The following GLYATL2 variants were observed in gnomAD, a reference collection of about 807,000 sequenced individuals.
GLYATL2 encodes glycine-N-acyltransferase like 2, also known as glycine N-acyltransferase-like protein 2.
Under a neutral mutation model 21.4 loss-of-function variants are expected in GLYATL2, and 25 were observed. The ratio of observed to expected loss-of-function variants is 1.17; its 90% confidence interval spans 0.85 to 1.63. GLYATL2 has a LOEUF of 1.63. GLYATL2 is among the 40% of genes most tolerant of loss of function. The pLI is 0.00. For synonymous variants in GLYATL2, 114 were observed against 118.2 expected (o/e 0.96, Z 0.23); for missense variants, 361 against 343.3 (o/e 1.05, Z -0.41).
At chr11:58,865,501 T>C (rs566665100) in intron 1 of GLYATL2, among the ~76,000 whole-genome samples, 1 of 149,262 alleles carries the variant, frequency 6.7e-6, no homozygotes, top group African/African-American at 2.4e-5. Context: ...CAAAATGCAG[T>C]ATTTATCACA....
At chr11:58,845,145 A>G (rs1191534455), upstream of GLYATL2, among the ~76,000 whole-genome samples, 2 of 152,222 alleles carry the variant, frequency 1.3e-5, no homozygotes, top group Non-Finnish European at 2.9e-5. Flanking sequence ...TTCAAGATCA[A>G]TTAGGCTTGT....
intron 1 of GLYATL2, among the ~76,000 whole-genome samples, chr11:58,841,891 A>G (rs557719794): frequency 6.6e-6 from 1 of 152,318 alleles, no homozygotes; most frequent in South Asian, 2.1e-4. Flanking sequence ...TGACTTGGTA[A>G]GAGATGTGGA....
chr11:58,877,529 G>A (rs1309105172), intron 1 of GLYATL2, among the ~76,000 whole-genome samples: 3 of 152,192 alleles, frequency 2.0e-5, no homozygotes, highest in Non-Finnish European at 4.4e-5. Flanking sequence ...GCAAAATTAA[G>A]AAATTGGGGA....
At chr11:58,902,862 G>A (rs1174494272) in intron 1 of GLYATL2, among the ~76,000 whole-genome samples, 1 of 152,214 alleles carries the variant, frequency 6.6e-6, no homozygotes, top group African/African-American at 2.4e-5. Context: ...TTAGCTGAAA[G>A]TGAGGCTTCC....
intron 1 of GLYATL2, among the ~76,000 whole-genome samples, chr11:58,881,317 C>A (rs879650478): frequency 6.6e-6 from 1 of 152,168 alleles, no homozygotes; most frequent in Non-Finnish European, 1.5e-5. Flanking sequence ...AAATTTGGAA[C>A]CAGCCTAAGC....
intron 1 of GLYATL2, chr11:58,885,056 T>A (rs1466215562): frequency 1.3e-5 from 2 of 154,026 alleles, no homozygotes; most frequent in Non-Finnish European, 2.9e-5. Flanking sequence ...CAGATGGCTT[T>A]GTGCATGTTT....
At chr11:58,900,092 G>A (rs1854710717) in intron 1 of GLYATL2, among the ~76,000 whole-genome samples, 2 of 152,180 alleles carry the variant, frequency 1.3e-5, no homozygotes, top group South Asian at 4.1e-4. Context: ...CTGCTTTACA[G>A]CAGAGTCCCT....
At chr11:58,855,471 A>G (rs1853812612) in intron 1 of GLYATL2, among the ~76,000 whole-genome samples, 1 of 152,208 alleles carries the variant, frequency 6.6e-6, no homozygotes, top group Non-Finnish European at 1.5e-5. Flanking sequence ...ATGGTGCTGC[A>G]ATCTAGGTTT....
intron 1 of GLYATL2, among the ~76,000 whole-genome samples, chr11:58,871,842 G>C (rs1209224146): frequency 2.6e-5 from 4 of 152,094 alleles, no homozygotes; most frequent in African/African-American, 7.2e-5. Context: ...AGTTCTAGAT[G>C]CCTGAGGAAT....
Position 58,860,205 on chromosome 11 carries a change from A to G in GLYATL2, n.61-21837T>C, listed in dbSNP as rs181118545. ...ATTGAATCTGTAAATCACTTGGGCC[A>G]TTATTGTCATTTTGACAGTATTAAT... On this transcript the variant is annotated intron_variant and non_coding_transcript_variant, in intron 1 of 4. Coordinates refer to the GLYATL2 transcript ENST00000533636. Among the ~76,000 whole-genome samples, 245 of 152,232 alleles carry G rather than the reference A, an allele frequency of 1.6e-3. 4 individuals are homozygous for G. The highest frequency in any genetic ancestry group is 5.6e-3 in the African/African-American group (232 of 41,568).
intron 1 of GLYATL2, among the ~76,000 whole-genome samples, chr11:58,895,434 A>G (rs1303365933): frequency 1.3e-5 from 2 of 152,180 alleles, no homozygotes; most frequent in Non-Finnish European, 2.9e-5. Context: ...ACAGAAATTG[A>G]TTTCTCACTT....
intron 1 of GLYATL2, among the ~76,000 whole-genome samples, chr11:58,843,946 G>A (rs1033107884): frequency 1.3e-5 from 2 of 152,136 alleles, no homozygotes; most frequent in African/African-American, 4.8e-5. Context: ...GATACCAGTT[G>A]CCAAATGTTT....
chr11:58,861,265 C>T (rs796937097), intron 1 of GLYATL2, among the ~76,000 whole-genome samples: 1 of 151,606 alleles, frequency 6.6e-6, no homozygotes, highest in African/African-American at 2.4e-5. Context: ...ATTTAACGTC[C>T]TTACTCATTA....
Position 58,867,804 on chromosome 11 carries a change from T to A in GLYATL2, n.61-29436A>T, listed in dbSNP as rs566942977. Among the ~76,000 whole-genome samples the A allele has an allele frequency of 1.3e-4, 20 of 148,922 alleles. 2 individuals carry two copies. The highest frequency in any genetic ancestry group is 4.4e-4 in the African/African-American group (18 of 41,322). On this transcript the variant is annotated intron_variant and non_coding_transcript_variant, in intron 1 of 4. Coordinates refer to the GLYATL2 transcript ENST00000533636. Reference sequence around the variant, plus strand: ...GACACATAAGGCTAAACCTTTCGGTTTTGAACCACAGACTAGATATATCAG... The same window carrying A: ...GACACATAAGGCTAAACCTTTCGGTATTGAACCACAGACTAGATATATCAG...
intron 2 of GLYATL2, among the ~76,000 whole-genome samples, chr11:58,839,064 T>A (rs1853495763): frequency 6.6e-6 from 1 of 152,144 alleles, no homozygotes; most frequent in African/African-American, 2.4e-5. Flanking sequence ...GCTCAATATT[T>A]GTAGCAAGTG....
chr11:58,862,938 A>G (rs1445398786), intron 1 of GLYATL2, among the ~76,000 whole-genome samples: 2 of 152,080 alleles, frequency 1.3e-5, no homozygotes, highest in Non-Finnish European at 2.9e-5. Flanking sequence ...GTCTTTGTAT[A>G]CTGGCTTTAT....
At chr11:58,878,243 T>C (rs950092219) in intron 1 of GLYATL2, 1 of 339,488 alleles carries the variant, frequency 2.9e-6, no homozygotes, top group South Asian at 5.1e-5. Context: ...TCAGCTGAAG[T>C]TTTTCTTTTA....
intron 1 of GLYATL2, among the ~76,000 whole-genome samples, chr11:58,901,250 C>T (rs1854735241): frequency 6.6e-6 from 1 of 152,168 alleles, no homozygotes; most frequent in Non-Finnish European, 1.5e-5. Context: ...GAGCCACAGT[C>T]CAACCAAAGG....
rs1398538643 is a variant in GLYATL2 at position 58,834,769 on chromosome 11, A to C, written c.545T>G (p.Phe182Cys). ...HAGLVNEHWA[F>C]GKNERSLKYI... ...TTTCAAGCTCCTCTCATTTTTCCCAAAGGCCCAGTGTTCATTCACAAGACC... is the reference window on the plus strand; with the variant it reads ...TTTCAAGCTCCTCTCATTTTTCCCACAGGCCCAGTGTTCATTCACAAGACC... Residue 182 changes from phenylalanine to cysteine, a missense_variant, in exon 6 of 6, where the codon TTT becomes TGT. Physicochemically the swap from Phe to Cys is radical, Grantham distance 205. Coordinates refer to ENST00000287275, the MANE Select transcript of GLYATL2 (RefSeq NM_145016.4). 4.3e-6 allele frequency: 7 copies of C among 1,613,762 alleles called. No homozygotes were observed. The highest frequency in any genetic ancestry group is 1.3e-5 in the African/African-American group (1 of 74,882).
Sources: allele counts gnomAD v4.1 joint callset (sites outside exome capture counted in the v4.1 genomes callset), GRCh38; gene constraint gnomAD v4.1.1; transcripts MANE v1.5; gene names NCBI Gene and HGNC (gene_info 2026-07-23, HGNC 2026-07-21).